The following PLA2R1 variants were observed in gnomAD, a reference collection of about 807,000 sequenced individuals.
PLA2R1 encodes secretory phospholipase A2 receptor.
A neutral mutation model predicts 195.9 loss-of-function variants in PLA2R1; 158 were observed. The ratio of observed to expected loss-of-function variants is 0.81; its 90% confidence interval spans 0.71 to 0.92. The LOEUF is 0.92. Among genes scored for constraint, PLA2R1 ranks in the 40% least tolerant of loss-of-function variants. The probability of loss-of-function intolerance (pLI) is 0.00; values close to 1 mark genes in which losing one functional copy is unlikely to be tolerated. For missense variants in PLA2R1, 1,626 were observed against 1,764.6 expected, an observed-to-expected ratio of 0.92 and a Z score of 1.41; for synonymous variants, 586 against 598.2, an observed-to-expected ratio of 0.98 and a Z score of 0.30.
rs188149406 is a variant in PLA2R1, at chr2:160,020,802, C to T, written c.1295-539G>A. On this transcript the variant is annotated intron_variant, in intron 7 of 29. Coordinates refer to ENST00000283243, the MANE Select transcript of PLA2R1 (RefSeq NM_007366.5). ...ATAAATTTCTTTTATTTATAAATTA[C>T]TCAGTTTCTTTGTATTCTACTATAA... Among the ~76,000 whole-genome samples, 196 of 152,282 alleles carry T rather than the reference C, an allele frequency of 1.3e-3. 1 individual carries two copies. The highest frequency in any genetic ancestry group is 4.5e-3 in the African/African-American group (189 of 41,554).
In PLA2R1 at chr2:160,022,804, G is replaced by C; in HGVS notation, c.1155C>G (p.Tyr385Ter). Residue 385 changes from tyrosine to a stop codon, truncating the protein, a stop_gained, in exon 7 of 30, where the codon TAC becomes TAG. Transcript: ENST00000283243. LOFTEE classifies it high-confidence loss of function. ...TCTGAAGTTTGTAGCAATTACGATT[G>C]TAGGGATTCCAGCCAGGCTCACAGT... The part of the protein sequence containing the change: ...ATHCEPGWNP[Y>*]NRNCYKLQKE... The C allele has an allele frequency of 6.2e-7, 1 of 1,613,552 alleles. No homozygotes were observed.
chr2:160,042,261 T>C lies in PLA2R1; in HGVS notation c.494-63A>G, dbSNP rs1694569785. The C allele has an allele frequency of 2.8e-6, 4 of 1,450,228 alleles. No homozygotes were observed. The East Asian group carries it at 9.1e-5, about 33-fold the overall frequency. The allele number at this position is 1,450,228 out of a possible 1,614,324, so 89.8% of individuals were successfully genotyped here. Reference sequence around the variant, plus strand: ...TGTCAGCTTTATCTTTGGAAACTGCTATATATCGAAAGCATTTTTTATGGA... The same window carrying C: ...TGTCAGCTTTATCTTTGGAAACTGCCATATATCGAAAGCATTTTTTATGGA... On this transcript the variant is annotated intron_variant, in intron 2 of 29. Coordinates refer to ENST00000283243, the MANE Select transcript of PLA2R1 (RefSeq NM_007366.5).
chr2:160,013,140 T>C, intron 10 of PLA2R1, 123 bp downstream of exon 10: 1 of 446,758 alleles, frequency 2.2e-6, no homozygotes, highest in Non-Finnish European at 4.1e-6. Context: ...ACTTAAATAA[T>C]TTAGTACTTT....
intron 1 of PLA2R1, among the ~76,000 whole-genome samples, chr2:160,046,461 A>T (rs1357616991): frequency 6.6e-6 from 1 of 152,226 alleles, no homozygotes; most frequent in East Asian, 1.9e-4. Context: ...ACAGTGCAGG[A>T]CGGGCCTCCT....
intron 1 of PLA2R1, among the ~76,000 whole-genome samples, chr2:160,056,343 G>A (rs569413786): frequency 1.1e-3 from 174 of 152,292 alleles, no homozygotes; most frequent in African/African-American, 4.1e-3. Context: ...TGACAAAAGA[G>A]TCCCAAACTC....
chr2:160,028,351 A>C lies in PLA2R1; in HGVS notation c.966T>G (p.Phe322Leu). ...CACAGTGATCTTCAACAAATGGCTC[A>C]AAATTTACCTCTGAAAATACAATGA... is the stretch of plus-strand genomic sequence containing the variant. ...NYLNWSPEVN[F>L]EPFVEDHCGT... Residue 322 changes from phenylalanine (F) to leucine (L), a missense_variant, in exon 6 of 30, where the codon TTT (phenylalanine) becomes TTG (leucine). Physicochemically the swap from Phe to Leu is conservative, Grantham distance 22 (BLOSUM62 0). Transcript: ENST00000283243. The C allele has an allele frequency of 2.5e-6, 4 of 1,606,784 alleles. No individual in the cohort carries two copies. The highest frequency in any genetic ancestry group is 3.4e-6 in the Non-Finnish European group (4 of 1,174,978).
rs773551017 is a variant in PLA2R1, at chr2:160,041,989, T to C, written c.667+36A>G. On this transcript the variant is annotated intron_variant, in intron 3 of 29. Transcript: ENST00000283243. ...TAACTTTCTAATCATCTTTGATTCA[T>C]TCATGACATATAGAGAAGACAAAAT... The C allele has an allele frequency of 5.9e-6, 9 of 1,527,958 alleles. No individual in the cohort carries two copies. In the Admixed American group the frequency reaches 1.0e-4, roughly 17 times the overall value. The allele number at this position is 1,527,958 out of a possible 1,614,324, so 94.7% of individuals were successfully genotyped here.
In PLA2R1 at chr2:160,022,765, G is replaced by A; in HGVS notation, c.1194C>T (p.Thr398=). The change falls in exon 7 of 30, where the codon ACC becomes ACT. Residue 398 remains threonine (T), a synonymous_variant. Coordinates refer to ENST00000283243, the MANE Select transcript of PLA2R1 (RefSeq NM_007366.5). The part of the protein sequence containing the change: ...NCYKLQKEEK[T]WHEALRSCQA... ...GACAAGAACGCAGAGCCTCATGCCA[G>A]GTCTTTTCTTCTTTCTGAAGTTTGT... 2 of 1,613,374 alleles carry A rather than the reference G, an allele frequency of 1.2e-6. No homozygotes were observed. The highest frequency in any genetic ancestry group is 1.7e-6 in the Non-Finnish European group (2 of 1,179,314).
At chr2:160,048,258 C>T (rs1695006071) in intron 1 of PLA2R1, among the ~76,000 whole-genome samples, 1 of 152,222 alleles carries the variant, frequency 6.6e-6, no homozygotes, top group Admixed American at 6.5e-5. Flanking sequence ...TTAGACACAC[C>T]TAATCCATTG....
chr2:160,049,918 A>G (rs977239522), intron 1 of PLA2R1, among the ~76,000 whole-genome samples: 1 of 152,198 alleles, frequency 6.6e-6, no homozygotes, highest in Non-Finnish European at 1.5e-5. Flanking sequence ...ATGAGAGCAC[A>G]TGGACACAGG....
intron 3 of PLA2R1, among the ~76,000 whole-genome samples, chr2:160,038,890 C>T (rs981542730): frequency 6.6e-6 from 1 of 151,964 alleles, no homozygotes; most frequent in Non-Finnish European, 1.5e-5. Context: ...CGGGCGGCGA[C>T]AGAGTCTTGC....
chr2:160,044,886 C>T lies in PLA2R1; in HGVS notation c.381G>A (p.Gln127=). The T allele has an allele frequency of 6.2e-7, 1 of 1,614,194 alleles. No individual in the cohort carries two copies. The highest frequency in any genetic ancestry group is 1.1e-5 in the South Asian group (1 of 91,088). The change falls in exon 2 of 30, where the codon CAG becomes CAA. Residue 127 remains glutamine, a synonymous_variant. Transcript: ENST00000283243. Reference sequence around the variant, plus strand: ...TGTCATGCGCCACCTGGACAGAGTACTGCAGCGGGCCTGTGATCATCTTCC... The same window carrying T: ...TGTCATGCGCCACCTGGACAGAGTATTGCAGCGGGCCTGTGATCATCTTCC... The part of the protein sequence containing the change: ...CNRKMITGPL[Q]YSVQVAHDNT...
At chr2:160,034,863 GT>G (rs1694079271) in intron 3 of PLA2R1, among the ~76,000 whole-genome samples, 1 of 152,100 alleles carries the variant, frequency 6.6e-6, no homozygotes, top group African/African-American at 2.4e-5. Context: ...GAGCCCAGGA[GT>G]TCAAGACCAG....
intron 11 of PLA2R1, among the ~76,000 whole-genome samples, chr2:159,991,589 A>C (rs1690799891): frequency 6.8e-6 from 1 of 147,122 alleles, no homozygotes; most frequent in African/African-American, 2.5e-5. Flanking sequence ...CATTAGATAT[A>C]TCTCCCAATG....
Position 160,013,322 on chromosome 2 carries a change from G to A in PLA2R1, c.1605C>T (p.Ser535=), listed in dbSNP as rs1440556858. 1 of 1,611,740 alleles carries A rather than the reference G, an allele frequency of 6.2e-7. No homozygotes were observed. The highest frequency in any genetic ancestry group is 8.5e-7 in the Non-Finnish European group (1 of 1,178,054). ...FCYKIDTVLR[S]FDQASSGYYC... ...AATAACCGCTGGAAGCTTGGTCAAA[G>A]CTTCGAAGGACTGTGTCAATTTTGT... Residue 535 remains serine (S), a synonymous_variant, in exon 10 of 30, where the codon AGC becomes AGT. Coordinates refer to ENST00000283243, the MANE Select transcript of PLA2R1 (RefSeq NM_007366.5).
At chr2:159,974,348 G>A (rs1214642660) in intron 17 of PLA2R1, among the ~76,000 whole-genome samples, 2 of 152,102 alleles carry the variant, frequency 1.3e-5, no homozygotes, top group African/African-American at 4.8e-5. Context: ...TAACCTCTTT[G>A]AAGTCTTAGC....
In PLA2R1 at chr2:159,983,979, T is replaced by C. The variant is rs138831455; in HGVS notation, c.2132A>G (p.His711Arg). The change falls in exon 13 of 30, where the codon CAT becomes CGT. Residue 711 changes from histidine to arginine, a missense_variant. Coordinates refer to ENST00000283243, the MANE Select transcript of PLA2R1 (RefSeq NM_007366.5). ...EFGAHLASFA[H>R]IEEENFVNEL... ...ATTCACAAAATTCTCTTCCTCAATA[T>C]GGGCAAAGCTTGCAAGATGAGCTCC... is the stretch of plus-strand genomic sequence containing the variant. 6 of 1,600,284 alleles carry C rather than the reference T, an allele frequency of 3.7e-6. No individual in the cohort carries two copies. Among genetic ancestry groups the C allele is most frequent in the Admixed American group, 3.3e-5 (2 of 59,768 alleles).
intron 16 of PLA2R1, 141 bp downstream of exon 16, chr2:159,976,544 T>C (rs1689569618): frequency 9.6e-6 from 6 of 628,006 alleles, no homozygotes; most frequent in African/African-American, 3.7e-5. Flanking sequence ...AATTATTAAT[T>C]TGAACAAATT....
chr2:160,042,800 CGTGTGTGT>C (rs111414981), intron 2 of PLA2R1, among the ~76,000 whole-genome samples: 2,745 of 119,664 alleles, frequency 0.023, 59 homozygotes, highest in Middle Eastern at 0.05. Flanking sequence ...TGTGTGTGTG[CGTGTGTGT>C]GTGTGTGTGT....
Sources: gnomAD v4.1 joint callset for allele counts (sites outside exome capture counted in the v4.1 genomes callset) on GRCh38, gnomAD v4.1.1 for gene constraint, MANE v1.5 for transcripts, NCBI Gene and HGNC (gene_info 2026-07-23, HGNC 2026-07-21) for gene names.